TUBGCP6: variants seen among roughly 807,000 people sequenced by gnomAD.
TUBGCP6 encodes gamma-tubulin complex component 6.
TUBGCP6 carries 161 observed loss-of-function variants against 175.8 expected under a neutral mutation model. The observed-to-expected ratio is 0.92, with a 90% CI of 0.81 to 1.04. TUBGCP6 has a LOEUF of 1.04. Ranked by LOEUF, TUBGCP6 falls within the 50% of genes least tolerant of loss-of-function variation. The pLI, the probability that TUBGCP6 is intolerant of heterozygous loss-of-function variation, is 0.00. For synonymous variants in TUBGCP6, 1,173 were observed against 1,030.5 expected, an observed-to-expected ratio of 1.14 and a Z score of -2.65; for missense variants, 2,572 against 2,433.0, an observed-to-expected ratio of 1.06 and a Z score of -1.20.
At chr22:50,226,863 G>C (rs932899191) in intron 6 of TUBGCP6, 21 bp from the exon 7 acceptor site, 2 of 1,566,434 alleles carry the variant, frequency 1.3e-6, no homozygotes, top group South Asian at 1.2e-5. Context: ...CAAAGGGGGT[G>C]GGGGGCAGCT....
chr22:50,220,584 C>G lies in TUBGCP6; in HGVS notation c.3775G>C (p.Val1259Leu). The G allele has an allele frequency of 6.2e-7, 1 of 1,612,998 alleles. No individual in the cohort carries two copies. Among genetic ancestry groups the G allele is most frequent in the Non-Finnish European group, 8.5e-7 (1 of 1,179,770 alleles). The stretch of plus-strand genomic sequence containing the variant: ...TTCCACCGTGGCCGGGTGGAAACCA[C>G]ATCCGACACAGGCTCCCCCAAGCTG... ...SISLGEPVSD[V>L]VSTRPRWNTH... Residue 1259 changes from valine (V) to leucine (L), a missense_variant, in exon 16 of 25, where the codon GTG (valine) becomes CTG (leucine). Transcript: ENST00000248846.
rs758530253 is a variant in TUBGCP6, at chr22:50,229,563, A to C, written c.1131T>G (p.Phe377Leu). Residue 377 changes from phenylalanine to leucine, a missense_variant, in exon 4 of 25, where the codon TTT (phenylalanine) becomes TTG (leucine). Coordinates refer to ENST00000248846, the MANE Select transcript of TUBGCP6 (RefSeq NM_020461.4). ...TFSLCQPAQA[F>L]VVKRGVHVSG... ...ACACGTGGACGCCCCGCTTCACCAC[A>C]AAGGCCTGGGCCGGCTGCACAGGGG... is the stretch of plus-strand genomic sequence containing the variant. 18 of 1,594,888 alleles carry C rather than the reference A, an allele frequency of 1.1e-5. No individual in the cohort carries two copies. The highest frequency in any genetic ancestry group is 1.4e-5 in the Non-Finnish European group (16 of 1,171,654).
At chr22:50,239,655 C>G (rs1456160017) in intron 2 of TUBGCP6, among the ~76,000 whole-genome samples, 2 of 152,188 alleles carry the variant, frequency 1.3e-5, no homozygotes, top group Non-Finnish European at 2.9e-5. Context: ...GCAGCTGGAG[C>G]TTCTCATCAC....
Position 50,243,632 on chromosome 22 carries a change from AAAGAAG to A in TUBGCP6, c.741+81_741+86del, listed in dbSNP as rs71198234. The A allele has an allele frequency of 6.6e-5, 63 of 954,076 alleles. 1 individual carries two copies. The highest frequency in any genetic ancestry group is 8.5e-5 in the Non-Finnish European group (59 of 694,732). The allele number at this position is 954,076 out of a possible 1,614,324, so 59.1% of individuals were successfully genotyped here. ...GACACTGTCTCAAAAAAAAAAAAAA[AAAGAAG>A]AAGAAGAAGAAGAAGAAAGGTCACA... On this transcript the variant is annotated intron_variant, in intron 1 of 24. Transcript: ENST00000248846.
intron 1 of TUBGCP6, among the ~76,000 whole-genome samples, chr22:50,241,371 G>A (rs948958119): frequency 1.3e-5 from 2 of 152,078 alleles, no homozygotes; most frequent in African/African-American, 2.4e-5. Context: ...TCAGTGCCTA[G>A]GAAAAGCACC....
intron 13 of TUBGCP6, 40 bp from the exon 14 acceptor site, chr22:50,222,632 A>T: frequency 6.3e-7 from 1 of 1,598,714 alleles, no homozygotes; most frequent in African/African-American, 1.3e-5. Flanking sequence ...CACAAGAGTC[A>T]CCCCACCCCA....
chr22:50,229,057 C>T (rs930394165), intron 4 of TUBGCP6, among the ~76,000 whole-genome samples: 7 of 152,130 alleles, frequency 4.6e-5, no homozygotes, highest in South Asian at 2.1e-4. Context: ...GAGGGCCCTG[C>T]GCTGTCAGTC....
intron 5 of TUBGCP6, 116 bp downstream of exon 5, chr22:50,227,791 T>C (rs2064634485): frequency 7.0e-7 from 1 of 1,421,372 alleles, no homozygotes; most frequent in African/African-American, 1.4e-5. Context: ...GGTCGCCTGC[T>C]GAGGGCTGTT....
At chr22:50,236,126 GA>G (rs1024595795) in intron 2 of TUBGCP6, among the ~76,000 whole-genome samples, 4 of 150,950 alleles carry the variant, frequency 2.6e-5, no homozygotes, top group East Asian at 1.9e-4. Flanking sequence ...GATGGATACA[GA>G]AAAAAAAATT....
rs902019556 is a variant in TUBGCP6 at position 50,219,185 on chromosome 22, A to G, written c.4509T>C (p.Ala1503=). ...GCAGCTCCACGAAGAAGTAGTCGAC[A>G]GCGGCCTTGTTCACCAAGGAGATGC... is the stretch of plus-strand genomic sequence containing the variant. ...AAHISLVNKA[A]VDYFFVELHL... is the part of the protein sequence containing the mutation. The change falls in exon 20 of 25, where the codon GCT becomes GCC. Residue 1503 remains alanine, a synonymous_variant. Coordinates refer to ENST00000248846, the MANE Select transcript of TUBGCP6 (RefSeq NM_020461.4). 1.2e-6 allele frequency: 2 copies of G among 1,611,768 alleles called. No individual in the cohort carries two copies. The highest frequency in any genetic ancestry group is 8.5e-7 in the Non-Finnish European group (1 of 1,179,986).
intron 16 of TUBGCP6, 36 bp downstream of exon 16, chr22:50,220,215 A>T: frequency 1.3e-6 from 2 of 1,545,876 alleles, no homozygotes; most frequent in South Asian, 2.5e-5. Flanking sequence ...TGCGTCCCAC[A>T]GTCCCACTCC....
At chr22:50,241,983 CAAAAAA>C (rs55647714) in intron 1 of TUBGCP6, among the ~76,000 whole-genome samples, 57 of 92,798 alleles carry the variant, frequency 6.1e-4, no homozygotes, top group Non-Finnish European at 9.2e-4. Flanking sequence ...GACTCCATCT[CAAAAAA>C]AAAAAAAAAA....
rs761530929 is a variant in TUBGCP6 at position 50,218,741 on chromosome 22, C to T, written c.4783G>A (p.Ala1595Thr). The part of the protein sequence containing the change: ...KYLPEVFAPN[A>T]PDVLSCLELR... ...TCCAGGCAGCTCAGCACATCCGGGG[C>T]GTTGGGGGCAAACACCTCGGGCAGG... is the stretch of plus-strand genomic sequence containing the variant. Residue 1595 changes from alanine to threonine, a missense_variant, in exon 21 of 25, where the codon GCC (alanine) becomes ACC (threonine). Physicochemically the swap from Ala to Thr is moderately conservative, Grantham distance 58 (BLOSUM62 0). Coordinates refer to ENST00000248846, the MANE Select transcript of TUBGCP6 (RefSeq NM_020461.4). 5.6e-6 allele frequency: 9 copies of T among 1,613,822 alleles called. No homozygotes were observed. Among genetic ancestry groups the T allele is most frequent in the South Asian group, 2.2e-5 (2 of 91,076 alleles).
intron 1 of TUBGCP6, among the ~76,000 whole-genome samples, chr22:50,240,582 T>G (rs1351338307): frequency 6.6e-6 from 1 of 152,242 alleles, no homozygotes; most frequent in Non-Finnish European, 1.5e-5. Flanking sequence ...CAATTCCATG[T>G]AACACATAAG....
chr22:50,217,999 G>A lies in TUBGCP6; in HGVS notation c.5287C>T (p.Arg1763Trp), dbSNP rs35381394. The change falls in exon 24 of 25, where the codon CGG becomes TGG. Residue 1763 changes from arginine (R) to tryptophan (W), a missense_variant. Physicochemically the swap from Arg to Trp is moderately radical, Grantham distance 101. Transcript: ENST00000248846. ...SQAWGPPGGP[R>W]GAEHPNFALM... ...GCAAAGTTGGGGTGCTCTGCACCCC[G>A]CGGGCCCCCAGGGGGCCCCCAGGCC... is the stretch of plus-strand genomic sequence containing the variant. 156,264 of 1,611,844 alleles carry A rather than the reference G, an allele frequency of 0.097. 8,390 individuals carry two copies. The highest frequency in any genetic ancestry group is 0.11 in the Non-Finnish European group (129,512 of 1,179,420).
At chr22:50,235,025 CT>C (rs1339661012) in intron 2 of TUBGCP6, among the ~76,000 whole-genome samples, 2 of 147,918 alleles carry the variant, frequency 1.4e-5, no homozygotes, top group Non-Finnish European at 3.0e-5. Flanking sequence ...CATCCACCCC[CT>C]GTCCACGGCA....
At chr22:50,241,766 C>A (rs948864923) in intron 1 of TUBGCP6, among the ~76,000 whole-genome samples, 1 of 152,200 alleles carries the variant, frequency 6.6e-6, no homozygotes, top group Non-Finnish European at 1.5e-5. Context: ...ACACTCCTTA[C>A]CCTGCCCCTT....
chr22:50,243,636 AAGAAG>A, intron 1 of TUBGCP6, 78 bp downstream of exon 1: 1 of 1,202,786 alleles, frequency 8.3e-7, no homozygotes. Context: ...AAAAAAAAAG[AAGAAG>A]AAGAAGAAGA....
chr22:50,243,475 G>A (rs371426997), intron 1 of TUBGCP6, among the ~76,000 whole-genome samples: 9 of 148,632 alleles, frequency 6.1e-5, no homozygotes, highest in East Asian at 3.9e-4. Flanking sequence ...AAATTAAGCC[G>A]GGCGTGGTGG....
Sources: allele counts gnomAD v4.1 joint callset (sites outside exome capture counted in the v4.1 genomes callset), GRCh38; gene constraint gnomAD v4.1.1; transcripts MANE v1.5; gene names NCBI Gene and HGNC (gene_info 2026-07-23, HGNC 2026-07-21).